The following KDM2A variants were observed in gnomAD, a reference collection of about 807,000 sequenced individuals.
KDM2A encodes the protein lysine demethylase 2A, also known as lysine-specific demethylase 2A.
A neutral mutation model predicts 137.3 loss-of-function variants in KDM2A; 3 were observed. The observed-to-expected ratio is 0.02, with a 90% CI of 0.01 to 0.06. The LOEUF (loss-of-function observed/expected upper bound fraction) is 0.06, where lower values mean the gene tolerates loss of function less well. Among genes scored for constraint, KDM2A ranks in the 10% least tolerant of loss-of-function variants. KDM2A has a pLI of 1.00. For missense variants in KDM2A, 738 were observed against 1,510.6 expected, an observed-to-expected ratio of 0.49 and a Z score of 8.48; for synonymous variants, 512 against 541.5, an observed-to-expected ratio of 0.95 and a Z score of 0.76.
At chr11:67,160,137 C>T (rs1424589166) in intron 2 of KDM2A, among the ~76,000 whole-genome samples, 2 of 152,040 alleles carry the variant, frequency 1.3e-5, no homozygotes, top group African/African-American at 4.8e-5. Flanking sequence ...TCTATTAGGA[C>T]TAATTGGGAG....
chr11:67,193,741 C>T (rs1857411512), intron 5 of KDM2A, among the ~76,000 whole-genome samples: 1 of 152,070 alleles, frequency 6.6e-6, no homozygotes, highest in South Asian at 2.1e-4. Context: ...GGCGCCTCTA[C>T]TCCCAACTAC....
rs1859380389 is a variant in KDM2A, at chr11:67,250,430, T to C, written c.2400T>C (p.Thr800=). 1 of 1,614,028 alleles carries C rather than the reference T, an allele frequency of 6.2e-7. No individual in the cohort carries two copies. Among genetic ancestry groups the C allele is most frequent in the Non-Finnish European group, 8.5e-7 (1 of 1,179,888 alleles). The change falls in exon 17 of 21, where the codon ACT becomes ACC. Residue 800 remains threonine (T), a synonymous_variant. Coordinates refer to ENST00000529006, the MANE Select transcript of KDM2A (RefSeq NM_012308.3). This position sits in a 1 kb window ranked among gnomAD's most constrained non-coding sequence, Gnocchi z 7.1. ...CCAAGATCCGGGGATCGTACCTCAC[T>C]GTCACGCTACAGAGGCCCACCAAAG... ...EKAKIRGSYL[T]VTLQRPTKEL...
At chr11:67,223,163 G>T (rs1285660139) in intron 10 of KDM2A, among the ~76,000 whole-genome samples, 1 of 146,392 alleles carries the variant, frequency 6.8e-6, no homozygotes, top group East Asian at 2.0e-4. Flanking sequence ...TTGCACTCCA[G>T]CCTGGGCGAC....
intron 16 of KDM2A, 41 bp downstream of exon 16, chr11:67,248,411 G>C: frequency 7.2e-7 from 1 of 1,397,236 alleles, no homozygotes; most frequent in Non-Finnish European, 1.0e-6. Context: ...ACAGAAAGGA[G>C]GCATCAAATG....
At chr11:67,187,193 CAAAT>C (rs959412189) in intron 5 of KDM2A, among the ~76,000 whole-genome samples, 1 of 151,912 alleles carries the variant, frequency 6.6e-6, no homozygotes, top group Non-Finnish European at 1.5e-5. Context: ...CACATTTCAC[CAAAT>C]AAATGTATCT....
chr11:67,174,253 G>A (rs1423639579), intron 2 of KDM2A, among the ~76,000 whole-genome samples: 2 of 151,990 alleles, frequency 1.3e-5, no homozygotes, highest in Non-Finnish European at 2.9e-5. Flanking sequence ...GTAAGACTCT[G>A]TCTCAAAAAA....
At chr11:67,198,679 C>T (rs1399894408) in intron 5 of KDM2A, among the ~76,000 whole-genome samples, 2 of 148,014 alleles carry the variant, frequency 1.4e-5, no homozygotes, top group African/African-American at 5.0e-5. Context: ...CACTGCACTC[C>T]AGCCTGGGTG....
chr11:67,120,944 A>AGG (rs1390315921), intron 1 of KDM2A, among the ~76,000 whole-genome samples: 2 of 152,004 alleles, frequency 1.3e-5, no homozygotes, highest in African/African-American at 2.4e-5. Context: ...GCTGCCATGA[A>AGG]GGAGATCCTT....
intron 2 of KDM2A, among the ~76,000 whole-genome samples, chr11:67,152,584 A>G (rs1856417682): frequency 6.6e-6 from 1 of 152,126 alleles, no homozygotes; most frequent in South Asian, 2.1e-4. Flanking sequence ...CTCTAGCTTC[A>G]GTGACAGAGT....
In KDM2A at chr11:67,257,680, G is replaced by A. The variant is rs552557405; in HGVS notation, c.*2625G>A. ...AAAGTCACTTATGTTTAAAGGGTTT[G>A]GTTGTGTTTTTTGTTTTTCGGAGAA... On this transcript the variant is annotated 3_prime_UTR_variant, in exon 21 of 21. Transcript: ENST00000529006. 1 of 152,244 alleles carries A rather than the reference G, an allele frequency of 6.6e-6. No homozygotes were observed. The highest frequency in any genetic ancestry group is 1.9e-4 in the East Asian group (1 of 5,186). The allele number at this position is 152,244 out of a possible 1,614,324, so 9.4% of individuals were successfully genotyped here.
At chr11:67,181,960 C>A in intron 5 of KDM2A, 68 bp downstream of exon 5, 1 of 1,340,116 alleles carries the variant, frequency 7.5e-7, no homozygotes, top group East Asian at 2.3e-5. Flanking sequence ...AATTAAATCT[C>A]TGACTGAGAT....
chr11:67,213,755 CAAAA>C (rs71056186), intron 6 of KDM2A, among the ~76,000 whole-genome samples: 2 of 77,190 alleles, frequency 2.6e-5, no homozygotes, highest in Admixed American at 1.5e-4. Context: ...CAGACCGTCT[CAAAA>C]AAAAAAAAAA....
chr11:67,247,169 A>C (rs1859275457), intron 15 of KDM2A, among the ~76,000 whole-genome samples: 1 of 134,584 alleles, frequency 7.4e-6, no homozygotes, highest in African/African-American at 2.8e-5. Context: ...GTCTCACTGC[A>C]ACCTTTGTCT....
chr11:67,168,609 A>C (rs1856805656), intron 2 of KDM2A, among the ~76,000 whole-genome samples: 1 of 106,648 alleles, frequency 9.4e-6, no homozygotes, highest in Non-Finnish European at 1.7e-5. Context: ...ACACACACAC[A>C]CACACACACA....
intron 7 of KDM2A, 160 bp downstream of exon 7, chr11:67,215,606 G>T: frequency 1.6e-6 from 1 of 631,672 alleles, no homozygotes; most frequent in Non-Finnish European, 2.8e-6. Flanking sequence ...AAGAGTGTAT[G>T]TGAGCATACC....
intron 12 of KDM2A, among the ~76,000 whole-genome samples, chr11:67,232,741 T>C (rs1858754027): frequency 6.6e-6 from 1 of 151,664 alleles, no homozygotes; most frequent in African/African-American, 2.4e-5. Flanking sequence ...GGAGTCTCAC[T>C]CTGTCGCTCA....
chr11:67,216,747 T>C (rs1590795121), intron 8 of KDM2A, among the ~76,000 whole-genome samples: 2 of 151,422 alleles, frequency 1.3e-5, no homozygotes, highest in East Asian at 3.9e-4. Context: ...ATGGAGAAAG[T>C]GCATCTCTAC....
chr11:67,206,512 G>A (rs1024038444), intron 5 of KDM2A, among the ~76,000 whole-genome samples: 13 of 152,184 alleles, frequency 8.5e-5, no homozygotes, highest in Non-Finnish European at 1.2e-4. Context: ...CAAGACAGGC[G>A]GATTGCCTGA....
chr11:67,157,924 AAAAG>A (rs1300618940), intron 2 of KDM2A, among the ~76,000 whole-genome samples: 6 of 152,146 alleles, frequency 3.9e-5, no homozygotes, highest in African/African-American at 1.4e-4. Context: ...ACCCCATCGC[AAAAG>A]AAAGAGAGAG....
Sources: gnomAD v4.1 joint callset for allele counts (sites outside exome capture counted in the v4.1 genomes callset) on GRCh38, gnomAD v4.1.1 for gene constraint, Gnocchi (gnomAD v3.1) non-coding constraint, MANE v1.5 for transcripts, NCBI Gene and HGNC (gene_info 2026-07-23, HGNC 2026-07-21) for gene names.